The following ORC3 variants were observed in gnomAD, a reference collection of about 807,000 sequenced individuals.
ORC3 encodes origin recognition complex subunit 3.
ORC3 carries 78 observed loss-of-function variants against 100.7 expected under a neutral mutation model. That is an observed-to-expected ratio of 0.77 (90% CI 0.65 to 0.94). ORC3 has a LOEUF of 0.94. ORC3 is among the 40% of genes least tolerant of loss of function. The probability of loss-of-function intolerance (pLI) is 0.00; values close to 1 mark genes in which losing one functional copy is unlikely to be tolerated. For synonymous variants in ORC3, 295 were observed against 289.3 expected (o/e 1.02, Z -0.20); for missense variants, 789 against 823.9 (o/e 0.96, Z 0.52).
In ORC3 at chr6:87,613,590, G is replaced by C. The variant is rs1778939507; in HGVS notation, c.873+1342G>C. On this transcript the variant is annotated intron_variant, in intron 8 of 19. Transcript: ENST00000392844. ...GACAAGGCAAGTCCCTTCTGCCTATGAGCCTGTAGAATCAAAAGCAAGTTA... is the reference window on the plus strand; with the variant it reads ...GACAAGGCAAGTCCCTTCTGCCTATCAGCCTGTAGAATCAAAAGCAAGTTA... Among the ~76,000 whole-genome samples, 3 of 152,298 alleles carry C rather than the reference G, an allele frequency of 2.0e-5. No homozygotes were observed. The South Asian group carries it at 6.2e-4, about 32-fold the overall frequency.
At chr6:87,639,016 T>C (rs1035103439) in intron 13 of ORC3, among the ~76,000 whole-genome samples, 14 of 151,980 alleles carry the variant, frequency 9.2e-5, no homozygotes, top group African/African-American at 3.1e-4. Context: ...TGCAGAAAAT[T>C]ATTTAAATTA....
downstream of ORC3, among the ~76,000 whole-genome samples, chr6:87,670,253 C>A (rs1300944341): frequency 6.6e-6 from 1 of 152,142 alleles, no homozygotes; most frequent in Non-Finnish European, 1.5e-5. Context: ...GCAACCTCTG[C>A]CTCCTGGGTT....
chr6:87,616,531 T>G, intron 9 of ORC3, 104 bp downstream of exon 9: 2 of 537,744 alleles, frequency 3.7e-6, no homozygotes, highest in Non-Finnish European at 6.9e-6. Context: ...TGGCAAAATC[T>G]AGAATAAGTA....
intron 11 of ORC3, among the ~76,000 whole-genome samples, chr6:87,629,707 C>A (rs1254982316): frequency 6.6e-6 from 1 of 152,110 alleles, no homozygotes; most frequent in African/African-American, 2.4e-5. Context: ...CCCCTCCCAA[C>A]CCTACCCCTT....
chr6:87,676,438 C>A, the ORC3 span, among the ~76,000 whole-genome samples: 1 of 105,046 alleles, frequency 9.5e-6, no homozygotes, highest in African/African-American at 4.1e-5. Context: ...TGCACTCCAG[C>A]CTGGGCAACA....
intron 16 of ORC3, among the ~76,000 whole-genome samples, chr6:87,662,432 CAAAA>C (rs1471449110): frequency 6.6e-6 from 1 of 151,158 alleles, no homozygotes; most frequent in Non-Finnish European, 1.5e-5. Context: ...AACTCCGTCT[CAAAA>C]AAAACCAAAA....
intron 19 of ORC3, 25 bp from the exon 20 acceptor site, chr6:87,666,993 C>T: frequency 7.0e-7 from 1 of 1,423,758 alleles, no homozygotes; most frequent in Non-Finnish European, 9.7e-7. Context: ...ACAGCACGGC[C>T]AGTTTCCTTA....
intron 1 of ORC3, 91 bp downstream of exon 1, chr6:87,590,283 C>A: frequency 7.2e-7 from 1 of 1,387,776 alleles, no homozygotes; most frequent in Non-Finnish European, 1.0e-6. Context: ...GGCATCCCTT[C>A]CCTGGCTGGA....
chr6:87,663,212 C>T (rs762345902), intron 17 of ORC3, 68 bp downstream of exon 17: 2 of 1,224,412 alleles, frequency 1.6e-6, no homozygotes, highest in Non-Finnish European at 2.3e-6. Context: ...TAAAAATATA[C>T]TAAATTTGCA....
chr6:87,640,897 G>A (rs111782086), intron 13 of ORC3, among the ~76,000 whole-genome samples: 1 of 152,190 alleles, frequency 6.6e-6, no homozygotes, highest in African/African-American at 2.4e-5. Context: ...ATCAGGAGAT[G>A]AGGAGTTCGA....
At chr6:87,621,602 T>G in intron 10 of ORC3, 115 bp downstream of exon 10, 1 of 706,714 alleles carries the variant, frequency 1.4e-6, no homozygotes, top group Non-Finnish European at 2.0e-6. Flanking sequence ...TATTCTGTTT[T>G]TAATTGTGGG....
chr6:87,676,656 T>G, the ORC3 span, among the ~76,000 whole-genome samples: 1 of 149,274 alleles, frequency 6.7e-6, no homozygotes, highest in African/African-American at 2.5e-5. Flanking sequence ...GGCACACACC[T>G]GTAGTCCCAG....
intron 16 of ORC3, among the ~76,000 whole-genome samples, chr6:87,659,138 A>C (rs1227470270): frequency 2.2e-5 from 3 of 134,360 alleles, no homozygotes; most frequent in African/African-American, 8.7e-5. Context: ...ATCTTGGCTG[A>C]CTGCAACCTC....
chr6:87,653,270 C>T lies in ORC3; in HGVS notation c.1516+21C>T, dbSNP rs1370081231. ...CGATGGTAAGAGTGTAATATCCTTCCAATTCTATTGGCCATGACAGTCATT... is the reference window on the plus strand; with the variant it reads ...CGATGGTAAGAGTGTAATATCCTTCTAATTCTATTGGCCATGACAGTCATT... On this transcript the variant is annotated intron_variant, in intron 14 of 19. Transcript: ENST00000392844. 4 of 1,605,794 alleles carry T rather than the reference C, an allele frequency of 2.5e-6. No homozygotes were observed. In the South Asian group the frequency reaches 3.3e-5, roughly 13 times the overall value.
At chr6:87,620,803 C>A (rs1779478468) in intron 9 of ORC3, among the ~76,000 whole-genome samples, 1 of 152,148 alleles carries the variant, frequency 6.6e-6, no homozygotes, top group Non-Finnish European at 1.5e-5. Flanking sequence ...TACCATAGAG[C>A]CCACAGCATT....
intron 18 of ORC3, among the ~76,000 whole-genome samples, chr6:87,665,153 A>G (rs1770498263): frequency 6.6e-6 from 1 of 152,234 alleles, no homozygotes. Flanking sequence ...AGCATTAAGC[A>G]AAAACTAAAC....
chr6:87,653,468 G>A (rs1419728127), intron 14 of ORC3, among the ~76,000 whole-genome samples: 1 of 152,160 alleles, frequency 6.6e-6, no homozygotes, highest in African/African-American at 2.4e-5. Context: ...CATCAAATGG[G>A]CAGAAAAAGA....
chr6:87,645,865 C>G (rs1768725948), intron 13 of ORC3, among the ~76,000 whole-genome samples: 1 of 151,972 alleles, frequency 6.6e-6, no homozygotes, highest in South Asian at 2.1e-4. Context: ...ATCTATAAAG[C>G]CTTTATTGTT....
intron 11 of ORC3, among the ~76,000 whole-genome samples, chr6:87,626,801 A>G (rs887941458): frequency 1.3e-5 from 2 of 151,934 alleles, no homozygotes; most frequent in African/African-American, 2.4e-5. Context: ...AAAAAAAAAA[A>G]AAGTAGGATA....
Sources: gnomAD v4.1 joint callset for allele counts (sites outside exome capture counted in the v4.1 genomes callset) on GRCh38, gnomAD v4.1.1 for gene constraint, MANE v1.5 for transcripts, NCBI Gene and HGNC (gene_info 2026-07-23, HGNC 2026-07-21) for gene names.